Variants in ACCS observed in about 807,000 individuals in gnomAD.
ACCS encodes the protein 1-aminocyclopropane-1-carboxylate synthase homolog (inactive).
A neutral mutation model predicts 59.8 loss-of-function variants in ACCS; 42 were observed. The ratio of observed to expected loss-of-function variants is 0.70; its 90% CI spans 0.55 to 0.91. The LOEUF is 0.91. Ranked by LOEUF, ACCS falls within the 40% of genes least tolerant of loss-of-function variation. The pLI is 0.00. For missense variants in ACCS, 602 were observed against 630.4 expected (o/e 0.95, Z 0.48); for synonymous variants, 230 against 240.3 (o/e 0.96, Z 0.40).
At chr11:44,080,689 A>G (rs769522016) in intron 10 of ACCS, 2 of 405,672 alleles carry the variant, frequency 4.9e-6, no homozygotes, top group Non-Finnish European at 9.1e-6. Flanking sequence ...GGATCTGTTT[A>G]GGGTACCTGA....
Position 44,083,325 on chromosome 11 carries a change from A to G in ACCS, c.1254+14A>G. The G allele has an allele frequency of 6.2e-7, 1 of 1,613,620 alleles. No individual in the cohort carries two copies. On this transcript the variant is annotated intron_variant, in intron 13 of 14. Transcript: ENST00000263776. The stretch of plus-strand genomic sequence containing the variant: ...GACTTGAGAAAGGTAATGCTGGTGG[A>G]GGTGCGGGCTGAGAGGGAGTTTCAG...
At position 44,079,588 on chromosome 11, in the gene ACCS, T is replaced by C; in HGVS notation, c.891T>C (p.Ser297=). 6.2e-7 allele frequency: 1 copy of C among 1,612,146 alleles called. No individual in the cohort carries two copies. The highest frequency in any genetic ancestry group is 8.5e-7 in the Non-Finnish European group (1 of 1,179,400). The change falls in exon 10 of 15, where the codon TCT becomes TCC. Residue 297 remains serine (S), a synonymous_variant. Transcript: ENST00000263776. ...ACATGCTGTCCGTGTTTGAGAAGTC[T>C]GTTGGGTACCGCAGTGTCCTAAGCC... ...EVYMLSVFEK[S]VGYRSVLSLE...
intron 2 of ACCS, among the ~76,000 whole-genome samples, chr11:44,070,182 T>C (rs1348149329): frequency 6.6e-6 from 1 of 152,068 alleles, no homozygotes. Flanking sequence ...CAAAGTGGAA[T>C]AGGAGGTATT....
chr11:44,082,406 G>A (rs1441275402), intron 12 of ACCS, among the ~76,000 whole-genome samples: 3 of 152,182 alleles, frequency 2.0e-5, no homozygotes, highest in African/African-American at 7.2e-5. Context: ...ATGTGTGGAT[G>A]CACAAACCAT....
Position 44,083,711 on chromosome 11 carries a change from G to C in ACCS, c.1425G>C (p.Gln475His). Reference sequence around the variant, plus strand: ...CCTTCCCAGGGATGCAGAGGGTCCAGCAGGTGCTTGCAGGCAAATCCCAAG... The same window carrying C: ...CCTTCCCAGGGATGCAGAGGGTCCACCAGGTGCTTGCAGGCAAATCCCAAG... ...HRLCLGMQRV[Q>H]QVLAGKSQVA... Residue 475 changes from glutamine (Q) to histidine (H), a missense_variant, in exon 15 of 15, where the codon CAG becomes CAC. Transcript: ENST00000263776. 6.2e-7 allele frequency: 1 copy of C among 1,614,158 alleles called. No homozygotes were observed. Among genetic ancestry groups the C allele is most frequent in the Non-Finnish European group, 8.5e-7 (1 of 1,180,004 alleles).
chr11:44,075,340 C>T (rs545418070), intron 5 of ACCS, among the ~76,000 whole-genome samples, 186 bp from the exon 6 acceptor site: 1 of 152,342 alleles, frequency 6.6e-6, no homozygotes, highest in South Asian at 2.1e-4. Flanking sequence ...CTTCCTGGCT[C>T]AGATGATCTG....
rs750024799 is a variant in ACCS at position 44,083,520 on chromosome 11, A to G, written c.1351A>G (p.Lys451Glu). The part of the protein sequence containing the change: ...LLSFGKAFEC[K>E]EPGWFRFVFS... Reference sequence around the variant, plus strand: ...GTCCTTTGGCAAGGCCTTCGAGTGTAAAGAGCCTGGTTGGTTTCGCTTTGT... The same window carrying G: ...GTCCTTTGGCAAGGCCTTCGAGTGTGAAGAGCCTGGTTGGTTTCGCTTTGT... Residue 451 changes from lysine to glutamate, a missense_variant, in exon 14 of 15, where the codon AAA (lysine) becomes GAA (glutamate). Coordinates refer to ENST00000263776, the MANE Select transcript of ACCS (RefSeq NM_032592.4). 22 of 1,614,124 alleles carry G rather than the reference A, an allele frequency of 1.4e-5. No homozygotes were observed. The highest frequency in any genetic ancestry group is 6.7e-5 in the Admixed American group (4 of 60,008).
chr11:44,071,928 G>A (rs1446258037), intron 3 of ACCS, among the ~76,000 whole-genome samples: 1 of 152,172 alleles, frequency 6.6e-6, no homozygotes, highest in African/African-American at 2.4e-5. Flanking sequence ...AAAAGTGGCT[G>A]TTTTTAACAC....
chr11:44,073,148 C>T (rs1953141020), intron 3 of ACCS, among the ~76,000 whole-genome samples: 3 of 152,132 alleles, frequency 2.0e-5, no homozygotes, highest in Admixed American at 1.3e-4. Context: ...TTTGCAAACC[C>T]ACCCCTCCGA....
chr11:44,081,646 T>C (rs1953646057), intron 12 of ACCS, among the ~76,000 whole-genome samples: 1 of 152,220 alleles, frequency 6.6e-6, no homozygotes, highest in Non-Finnish European at 1.5e-5. Flanking sequence ...TTAATGTGAA[T>C]TCATTATGAC....
At chr11:44,074,095 C>T (rs1288052974) in intron 4 of ACCS, among the ~76,000 whole-genome samples, 1 of 152,106 alleles carries the variant, frequency 6.6e-6, no homozygotes, top group Non-Finnish European at 1.5e-5. Flanking sequence ...TGGAGTCAGA[C>T]CACTGGGCTT....
At chr11:44,074,247 A>G (rs967914625) in intron 4 of ACCS, among the ~76,000 whole-genome samples, 1 of 152,192 alleles carries the variant, frequency 6.6e-6, no homozygotes, top group Non-Finnish European at 1.5e-5. Flanking sequence ...GTAAGTAAAA[A>G]TTTTCTAAAT....
intron 2 of ACCS, among the ~76,000 whole-genome samples, chr11:44,070,400 A>G (rs1952995637): frequency 6.6e-6 from 1 of 152,158 alleles, no homozygotes. Flanking sequence ...TTTTGAAGGT[A>G]GAGCTGCCAG....
At chr11:44,075,726 A>C in intron 6 of ACCS, 134 bp downstream of exon 6, 1 of 1,106,952 alleles carries the variant, frequency 9.0e-7, no homozygotes, top group Non-Finnish European at 1.3e-6. Context: ...GGGGGCTTGA[A>C]TAAGTGGCTT....
At chr11:44,074,081 G>A (rs1953193291) in intron 4 of ACCS, among the ~76,000 whole-genome samples, 1 of 152,138 alleles carries the variant, frequency 6.6e-6, no homozygotes, top group Admixed American at 6.5e-5. Context: ...AGGGTGGTGG[G>A]CCCTGGAGTC....
intron 4 of ACCS, among the ~76,000 whole-genome samples, chr11:44,074,197 T>C (rs1366227037): frequency 6.6e-6 from 1 of 152,130 alleles, no homozygotes; most frequent in Admixed American, 6.5e-5. Context: ...ATAATAATAA[T>C]AATGATAGTA....
chr11:44,077,307 T>C lies in ACCS; in HGVS notation c.585T>C (p.Tyr195=). Residue 195 remains tyrosine, a synonymous_variant, in exon 7 of 15, where the codon TAT becomes TAC. Coordinates refer to ENST00000263776, the MANE Select transcript of ACCS (RefSeq NM_032592.4). ...CTTTCCTGATCCCCACCCCTTACTA[T>C]GGCGCTATCACACAGCACGTGTGTC... ...GEAFLIPTPY[Y]GAITQHVCLY... The C allele has an allele frequency of 6.2e-7, 1 of 1,614,068 alleles. No homozygotes were observed. The highest frequency in any genetic ancestry group is 8.5e-7 in the Non-Finnish European group (1 of 1,179,968).
At position 44,077,306 on chromosome 11, in the gene ACCS, A is replaced by G. The variant is rs1417785835; in HGVS notation, c.584A>G (p.Tyr195Cys). The change falls in exon 7 of 15, where the codon TAT becomes TGT. Residue 195 changes from tyrosine (Y) to cysteine (C), a missense_variant. Physicochemically the swap from Tyr to Cys is radical, Grantham distance 194. Transcript: ENST00000263776. ...GEAFLIPTPY[Y>C]GAITQHVCLY... ...GCTTTCCTGATCCCCACCCCTTACT[A>G]TGGCGCTATCACACAGCACGTGTGT... is the stretch of plus-strand genomic sequence containing the variant. 4 of 1,613,910 alleles carry G rather than the reference A, an allele frequency of 2.5e-6. No homozygotes were observed. Among genetic ancestry groups the G allele is most frequent in the East Asian group, 2.2e-5 (1 of 44,862 alleles).
At chr11:44,078,605 A>G in intron 8 of ACCS, 79 bp from the exon 9 acceptor site, 1 of 1,278,676 alleles carries the variant, frequency 7.8e-7, no homozygotes, top group East Asian at 2.3e-5. Flanking sequence ...GGAGCCTTCC[A>G]GCGATCAGCC....
Sources: allele counts gnomAD v4.1 joint callset (sites outside exome capture counted in the v4.1 genomes callset), GRCh38; gene constraint gnomAD v4.1.1; transcripts MANE v1.5; gene names NCBI Gene and HGNC (gene_info 2026-07-23, HGNC 2026-07-21).